Variants in PTPRD observed in about 807,000 individuals in gnomAD.
PTPRD encodes protein tyrosine phosphatase receptor type D, also known as receptor-type tyrosine-protein phosphatase delta.
In PTPRD, 34 loss-of-function variants were observed where a neutral mutation model predicts 214.5. That is an observed-to-expected ratio of 0.16 (90% CI 0.12 to 0.21). PTPRD has a LOEUF of 0.21. Ranked by LOEUF, PTPRD falls within the 10% of genes least tolerant of loss-of-function variation. The probability of loss-of-function intolerance (pLI) is 1.00; values close to 1 mark genes in which losing one functional copy is unlikely to be tolerated. For missense variants in PTPRD, 2,545 were observed against 2,398.7 expected (o/e 1.06, Z -1.27); for synonymous variants, 1,128 against 845.7 (o/e 1.33, Z -5.79).
intron 9 of PTPRD, among the ~76,000 whole-genome samples, chr9:9,216,131 A>T (rs2099952028): frequency 6.6e-6 from 1 of 152,154 alleles, no homozygotes; most frequent in African/African-American, 2.4e-5. Context: ...GTCTCAGTTT[A>T]GTCACCTTTT....
chr9:10,487,690 CA>C (rs1396577336), intron 2 of PTPRD, among the ~76,000 whole-genome samples: 3 of 151,252 alleles, frequency 2.0e-5, no homozygotes, highest in Non-Finnish European at 2.9e-5. Flanking sequence ...TGACACATAA[CA>C]GGGCCTGTTG....
intron 2 of PTPRD, among the ~76,000 whole-genome samples, chr9:10,502,491 A>T (rs908255800): frequency 6.6e-6 from 1 of 152,048 alleles, no homozygotes; most frequent in African/African-American, 2.4e-5. Context: ...TGACTCCACA[A>T]GACACAATTT....
chr9:10,485,469 A>G (rs2099126641), intron 2 of PTPRD, among the ~76,000 whole-genome samples: 1 of 152,122 alleles, frequency 6.6e-6, no homozygotes, highest in Admixed American at 6.6e-5. Context: ...CATTTTAACA[A>G]TATTGATTCT....
intron 10 of PTPRD, among the ~76,000 whole-genome samples, chr9:9,076,026 A>T (rs1224682813): frequency 6.6e-6 from 1 of 152,162 alleles, no homozygotes; most frequent in Non-Finnish European, 1.5e-5. Flanking sequence ...TAGTCCCACC[A>T]ACAGTGTAAA....
At chr9:10,166,963 T>G (rs1365887543) in intron 3 of PTPRD, among the ~76,000 whole-genome samples, 1 of 152,138 alleles carries the variant, frequency 6.6e-6, no homozygotes, top group Non-Finnish European at 1.5e-5. Context: ...CTACCAACTT[T>G]CCTTTAAAAC....
intron 30 of PTPRD, among the ~76,000 whole-genome samples, chr9:8,477,563 G>A (rs1424076139): frequency 6.6e-6 from 1 of 152,124 alleles, no homozygotes; most frequent in Non-Finnish European, 1.5e-5. Flanking sequence ...ATTTAACTGG[G>A]AGGTGAAAAG....
At chr9:9,128,621 G>A (rs1355628214) in intron 10 of PTPRD, among the ~76,000 whole-genome samples, 4 of 152,162 alleles carry the variant, frequency 2.6e-5, no homozygotes, top group African/African-American at 9.7e-5. Flanking sequence ...AAATATATCA[G>A]CTTTCTGAAT....
At chr9:9,279,486 A>G (rs1036535472) in intron 9 of PTPRD, among the ~76,000 whole-genome samples, 3 of 150,268 alleles carry the variant, frequency 2.0e-5, no homozygotes, top group Non-Finnish European at 4.5e-5. Context: ...TTAATGATAT[A>G]TAGAACAATT....
chr9:8,534,509 G>A (rs1168927541), intron 14 of PTPRD, among the ~76,000 whole-genome samples: 1 of 151,788 alleles, frequency 6.6e-6, no homozygotes, highest in African/African-American at 2.4e-5. Flanking sequence ...GAACAAGAGT[G>A]ATTTCTTTTC....
chr9:8,755,113 A>C (rs1000233565), intron 11 of PTPRD, among the ~76,000 whole-genome samples: 1 of 152,126 alleles, frequency 6.6e-6, no homozygotes, highest in African/African-American at 2.4e-5. Flanking sequence ...TTAGAGTGCC[A>C]ACTGGTAAAA....
chr9:8,491,161 G>A (rs901276917), intron 27 of PTPRD, among the ~76,000 whole-genome samples: 5 of 152,220 alleles, frequency 3.3e-5, no homozygotes, highest in Admixed American at 2.6e-4. Context: ...AAAAGTAAAC[G>A]TGTAGGCATC....
chr9:9,134,436 T>C (rs2099847832), intron 10 of PTPRD, among the ~76,000 whole-genome samples: 1 of 152,150 alleles, frequency 6.6e-6, no homozygotes, highest in Admixed American at 6.6e-5. Flanking sequence ...TCTCTTGGCT[T>C]TACCTTCTCA....
chr9:8,693,992 A>G (rs959116601), intron 12 of PTPRD, among the ~76,000 whole-genome samples: 7 of 152,236 alleles, frequency 4.6e-5, no homozygotes, highest in Non-Finnish European at 8.8e-5. Flanking sequence ...TTACAAAAGC[A>G]TTGGAAATCT....
In PTPRD at chr9:9,900,725, C is replaced by T. The variant is rs546557007; in HGVS notation, c.-368+37782G>A. ...GATCTTGGCTCACTGCAACCTCTGC[C>T]TCCCAGCTTCAAGTGATTCTCCTGC... On this transcript the variant is annotated intron_variant, in intron 5 of 45. Coordinates refer to ENST00000381196, the MANE Select transcript of PTPRD (RefSeq NM_002839.4). 2.7e-5 allele frequency among the ~76,000 whole-genome samples: 4 copies of T among 150,158 alleles called. No individual in the cohort carries two copies. In the South Asian group the frequency reaches 8.4e-4, roughly 32 times the overall value.
intron 12 of PTPRD, among the ~76,000 whole-genome samples, chr9:8,651,379 C>T (rs2096804015): frequency 6.6e-6 from 1 of 152,040 alleles, no homozygotes; most frequent in Non-Finnish European, 1.5e-5. Context: ...AGATGATAAC[C>T]CAAGGCCATG....
At chr9:9,114,389 A>C (rs1424186028) in intron 10 of PTPRD, among the ~76,000 whole-genome samples, 1 of 152,112 alleles carries the variant, frequency 6.6e-6, no homozygotes, top group Non-Finnish European at 1.5e-5. Flanking sequence ...GGCCCCTTAC[A>C]CTCGGAAAAT....
intron 7 of PTPRD, among the ~76,000 whole-genome samples, chr9:9,627,084 C>T (rs2095445063): frequency 6.6e-6 from 1 of 152,182 alleles, no homozygotes; most frequent in African/African-American, 2.4e-5. Flanking sequence ...GAGGCCAAGG[C>T]TGTCAGATCA....
At chr9:8,763,413 C>G (rs1048347812) in intron 11 of PTPRD, among the ~76,000 whole-genome samples, 7 of 151,964 alleles carry the variant, frequency 4.6e-5, no homozygotes, top group Non-Finnish European at 1.0e-4. Context: ...ACTTGGGAGG[C>G]TGAGGCATGA....
In PTPRD at chr9:10,361,019, GT is replaced by G. The variant is rs1008837686; in HGVS notation, c.-599-20003del. ...CGGGAGGCTGAGGCAGGAGAATGGC[GT>G]GAACACGGGAGGCGGAGCTTGTAGT... On this transcript the variant is annotated intron_variant, in intron 2 of 45. Coordinates refer to ENST00000381196, the MANE Select transcript of PTPRD (RefSeq NM_002839.4). 8.0e-4 allele frequency among the ~76,000 whole-genome samples: 121 copies of G among 152,028 alleles called. 1 individual carries two copies. The highest frequency in any genetic ancestry group is 2.8e-3 in the African/African-American group (117 of 41,498).
Sources: allele counts gnomAD v4.1 joint callset (sites outside exome capture counted in the v4.1 genomes callset), GRCh38; gene constraint gnomAD v4.1.1; transcripts MANE v1.5; gene names NCBI Gene and HGNC (gene_info 2026-07-23, HGNC 2026-07-21).